The following CHCHD3 variants were observed in gnomAD, a reference collection of about 807,000 sequenced individuals.
The protein encoded by CHCHD3 is coiled-coil-helix-coiled-coil-helix domain containing 3, also known as MICOS complex subunit MIC19.
CHCHD3 carries 20 observed loss-of-function variants against 38.2 expected under a neutral mutation model. The observed-to-expected ratio is 0.52, with a 90% confidence interval of 0.37 to 0.76. CHCHD3 has a LOEUF of 0.76. Among genes scored for constraint, CHCHD3 ranks in the 30% least tolerant of loss-of-function variants. The probability of loss-of-function intolerance (pLI) is 0.00; values close to 1 mark genes in which losing one functional copy is unlikely to be tolerated. For synonymous variants in CHCHD3, 82 were observed against 100.0 expected, an observed-to-expected ratio of 0.82 and a Z score of 1.07; for missense variants, 245 against 279.2, an observed-to-expected ratio of 0.88 and a Z score of 0.87.
intron 3 of CHCHD3, among the ~76,000 whole-genome samples, chr7:133,023,945 T>C (rs1174325591): frequency 6.6e-6 from 1 of 152,176 alleles, no homozygotes; most frequent in Non-Finnish European, 1.5e-5. Context: ...TTCTTTTAGC[T>C]GTTGTTAGTA....
At position 132,973,164 on chromosome 7, in the gene CHCHD3, A is replaced by C; in HGVS notation, c.369+2005T>G. 3.0e-6 allele frequency: 3 copies of C among 985,414 alleles called. No individual in the cohort carries two copies. The South Asian group carries it at 1.4e-4, about 46-fold the overall frequency. 61.0% of individuals were successfully genotyped at this position (985,414 alleles called of 1,614,324 possible). Reference sequence around the variant, plus strand: ...AAGACAGTATGTCCAAATTCAGGCAAAAAGAGGTGGAGAAAGAGTGCTTCA... The same window carrying C: ...AAGACAGTATGTCCAAATTCAGGCACAAAGAGGTGGAGAAAGAGTGCTTCA... On this transcript the variant is annotated intron_variant, in intron 4 of 7. Coordinates refer to ENST00000262570, the MANE Select transcript of CHCHD3 (RefSeq NM_017812.4).
At chr7:132,892,865 A>G (rs1196922650) in intron 4 of CHCHD3, among the ~76,000 whole-genome samples, 1 of 152,182 alleles carries the variant, frequency 6.6e-6, no homozygotes, top group Non-Finnish European at 1.5e-5. Context: ...AGGTTTGCGA[A>G]CCTCCACCTA....
intron 4 of CHCHD3, among the ~76,000 whole-genome samples, chr7:132,913,298 C>G (rs191139020): frequency 2.6e-5 from 4 of 152,128 alleles, no homozygotes; most frequent in Admixed American, 1.3e-4. Context: ...AATGGGGAGA[C>G]AAATAAATTT....
chr7:133,026,576 G>A (rs926914114), intron 2 of CHCHD3, among the ~76,000 whole-genome samples: 1 of 152,144 alleles, frequency 6.6e-6, no homozygotes, highest in Non-Finnish European at 1.5e-5. Context: ...TCATACATGA[G>A]TATTTACAGT....
chr7:132,795,698 A>C (rs540211818), intron 7 of CHCHD3, among the ~76,000 whole-genome samples: 30 of 152,340 alleles, frequency 2.0e-4, no homozygotes, highest in Admixed American at 1.8e-3. Flanking sequence ...AGAAGGAATC[A>C]ACGTTTCCAA....
At chr7:132,918,826 A>C (rs1810183729) in intron 4 of CHCHD3, among the ~76,000 whole-genome samples, 1 of 152,210 alleles carries the variant, frequency 6.6e-6, no homozygotes, top group African/African-American at 2.4e-5. Flanking sequence ...TAATAAAATT[A>C]TGTAATAGAA....
chr7:132,946,131 G>A (rs1427820750), intron 4 of CHCHD3, among the ~76,000 whole-genome samples: 1 of 151,570 alleles, frequency 6.6e-6, no homozygotes, highest in African/African-American at 2.4e-5. Flanking sequence ...AACCATTAAG[G>A]AATAATTCAA....
At chr7:132,786,013 A>G (rs1036055777) in intron 7 of CHCHD3, among the ~76,000 whole-genome samples, 6 of 152,088 alleles carry the variant, frequency 3.9e-5, no homozygotes, top group African/African-American at 1.4e-4. Context: ...CCCAATCTCT[A>G]CCAAAAACAA....
rs114570697 is a variant in CHCHD3, at chr7:132,996,260, C to T, written c.252-20974G>A. ...TGGACCTTTATGCAGGGCACTGTTACGTGCTCTGCAATCCAACTGGCCCTA... is the reference window on the plus strand; with the variant it reads ...TGGACCTTTATGCAGGGCACTGTTATGTGCTCTGCAATCCAACTGGCCCTA... On this transcript the variant is annotated intron_variant, in intron 3 of 7. Transcript: ENST00000262570. 3.8e-3 allele frequency among the ~76,000 whole-genome samples: 580 copies of T among 152,268 alleles called. 3 individuals are homozygous for T. Among genetic ancestry groups the T allele is most frequent in the African/African-American group, 0.013 (555 of 41,552 alleles).
intron 4 of CHCHD3, among the ~76,000 whole-genome samples, chr7:132,927,982 G>T (rs1298891052): frequency 1.3e-5 from 2 of 152,074 alleles, no homozygotes; most frequent in Non-Finnish European, 2.9e-5. Flanking sequence ...GGCCCCATAA[G>T]GCAACCCAAG....
chr7:132,797,921 A>G lies in CHCHD3; in HGVS notation c.525-1344T>C, dbSNP rs1267212898. On this transcript the variant is annotated intron_variant, in intron 6 of 7. Transcript: ENST00000262570. ...CTTGAAATTCGTGTTTTTTCAAATT[A>G]GTCTTAATACAAGAAGCTTCCAGTC... Among the ~76,000 whole-genome samples, 3 of 152,208 alleles carry G rather than the reference A, an allele frequency of 2.0e-5. No homozygotes were observed. In the East Asian group the frequency reaches 5.8e-4, roughly 29 times the overall value.
intron 2 of CHCHD3, among the ~76,000 whole-genome samples, chr7:133,065,708 T>C (rs1259085440): frequency 6.6e-6 from 1 of 152,110 alleles, no homozygotes; most frequent in Non-Finnish European, 1.5e-5. Context: ...TATTGAGTAC[T>C]AACTAAAACT....
chr7:132,880,331 T>C (rs1260637311), intron 5 of CHCHD3, among the ~76,000 whole-genome samples: 1 of 152,146 alleles, frequency 6.6e-6, no homozygotes, highest in Non-Finnish European at 1.5e-5. Context: ...AAGTATAAAA[T>C]GAGACAATCC....
At chr7:132,938,610 T>C (rs553743218) in intron 4 of CHCHD3, among the ~76,000 whole-genome samples, 2 of 152,266 alleles carry the variant, frequency 1.3e-5, no homozygotes, top group African/African-American at 4.8e-5. Context: ...CCTTATAATA[T>C]TGTCTAAGGA....
intron 6 of CHCHD3, among the ~76,000 whole-genome samples, chr7:132,803,529 A>C (rs1806840268): frequency 6.6e-6 from 1 of 152,088 alleles, no homozygotes; most frequent in African/African-American, 2.4e-5. Flanking sequence ...TATTCTACTT[A>C]TGGTGATACC....
intron 1 of CHCHD3, among the ~76,000 whole-genome samples, chr7:133,072,664 C>G (rs1814858636): frequency 6.6e-6 from 1 of 151,902 alleles, no homozygotes; most frequent in South Asian, 2.1e-4. Context: ...ATGGTGAAAC[C>G]CCATCTCTAC....
At chr7:133,016,357 C>A (rs1279445565) in intron 3 of CHCHD3, among the ~76,000 whole-genome samples, 1 of 152,122 alleles carries the variant, frequency 6.6e-6, no homozygotes, top group East Asian at 1.9e-4. Flanking sequence ...GCTCTGAAAT[C>A]GTTTTCACAG....
intron 4 of CHCHD3, among the ~76,000 whole-genome samples, chr7:132,971,333 C>T (rs1190643359): frequency 6.6e-6 from 1 of 152,152 alleles, no homozygotes; most frequent in East Asian, 1.9e-4. Context: ...TGGATAAAGT[C>T]AACTGATTAA....
intron 3 of CHCHD3, among the ~76,000 whole-genome samples, chr7:133,016,281 G>A (rs1181241034): frequency 2.6e-5 from 4 of 152,224 alleles, no homozygotes; most frequent in African/African-American, 9.6e-5. Flanking sequence ...TTAGCACACA[G>A]TAAGTAAGAG....
Sources: gnomAD v4.1 joint callset for allele counts (sites outside exome capture counted in the v4.1 genomes callset) on GRCh38, gnomAD v4.1.1 for gene constraint, MANE v1.5 for transcripts, NCBI Gene and HGNC (gene_info 2026-07-23, HGNC 2026-07-21) for gene names.